Variants in ZNF599 observed in about 807,000 individuals in gnomAD.
ZNF599 encodes zinc finger protein 599.
In ZNF599, 10 loss-of-function variants were observed where a neutral mutation model predicts 11.7. The observed-to-expected ratio is 0.86, with a 90% CI of 0.53 to 1.45. ZNF599 has a LOEUF of 1.45. Ranked by LOEUF, ZNF599 falls within the 40% of genes most tolerant of loss-of-function variation. ZNF599 has a pLI of 0.00. For synonymous variants in ZNF599, 232 were observed against 253.2 expected (o/e 0.92, Z 0.79); for missense variants, 688 against 713.6 (o/e 0.96, Z 0.41).
chr19:34,800,797 G>A, the ZNF599 span, among the ~76,000 whole-genome samples: 1 of 151,804 alleles, frequency 6.6e-6, no homozygotes. Flanking sequence ...GTTTCACCAT[G>A]TTGGCCAGGC....
chr19:34,773,211 C>T lies in ZNF599; in HGVS notation c.-370G>A. 7.6e-6 allele frequency: 2 copies of T among 262,936 alleles called. No homozygotes were observed. The highest frequency in any genetic ancestry group is 1.4e-5 in the Non-Finnish European group (2 of 139,634). 16.3% of individuals were successfully genotyped at this position (262,936 alleles called of 1,614,324 possible). ...AACCTAACGGCGGACGAAGACTGGA[C>T]GCCGGAAGTCCCGCCCACGCCGCTA... On this transcript the variant is annotated 5_prime_UTR_variant, in exon 1 of 4. Coordinates refer to ENST00000329285, the MANE Select transcript of ZNF599 (RefSeq NM_001007248.3).
chr19:34,765,504 C>A, intron 3 of ZNF599: 1 of 695,510 alleles, frequency 1.4e-6, no homozygotes. Flanking sequence ...TTTTCAGCTG[C>A]AGGGTTTGTG....
chr19:34,779,267 TTTTTC>T, the ZNF599 span: 1 of 147,236 alleles, frequency 6.8e-6, no homozygotes, highest in Non-Finnish European at 1.5e-5. Flanking sequence ...TTTTTTTTTT[TTTTTC>T]ATTTTTTGAA....
the ZNF599 span, among the ~76,000 whole-genome samples, chr19:34,782,460 G>T: frequency 6.6e-6 from 1 of 152,240 alleles, no homozygotes; most frequent in East Asian, 1.9e-4. Flanking sequence ...AATTGCCCCG[G>T]AACTGGACAA....
chr19:34,797,265 A>G, the ZNF599 span, among the ~76,000 whole-genome samples: 3 of 152,170 alleles, frequency 2.0e-5, no homozygotes, highest in African/African-American at 7.2e-5. Context: ...ATAGTGCCGC[A>G]ATAAACATAC....
At chr19:34,790,833 T>C in the ZNF599 span, among the ~76,000 whole-genome samples, 1 of 152,198 alleles carries the variant, frequency 6.6e-6, no homozygotes, top group Non-Finnish European at 1.5e-5. Context: ...ATTGTAAATA[T>C]GTATCAAAAT....
intron 2 of ZNF599, among the ~76,000 whole-genome samples, chr19:34,768,049 A>G (rs900831111): frequency 6.6e-6 from 1 of 152,222 alleles, no homozygotes; most frequent in Non-Finnish European, 1.5e-5. Context: ...AGAGAAGTCA[A>G]TGACTGAGGC....
chr19:34,760,387 T>C lies in ZNF599; in HGVS notation c.414A>G (p.Gly138=). 6.2e-7 allele frequency: 1 copy of C among 1,614,172 alleles called. No individual in the cohort carries two copies. Among genetic ancestry groups the C allele is most frequent in the Non-Finnish European group, 8.5e-7 (1 of 1,180,042 alleles). Residue 138 remains glycine (G), a synonymous_variant, in exon 4 of 4, where the codon GGA becomes GGG. Transcript: ENST00000329285. ...GGCATATCTCTTTGTGGGGGTTTGT[T>C]CCTGGCCTCAAGTTCCCTTCCTGAA... ...IKIQEGNLRP[G]TNPHKEICPE...
chr19:34,781,766 A>G, the ZNF599 span, among the ~76,000 whole-genome samples: 1 of 152,174 alleles, frequency 6.6e-6, no homozygotes, highest in African/African-American at 2.4e-5. Flanking sequence ...GGGTGTGTCC[A>G]GGCCCAAGAA....
chr19:34,787,688 G>A, the ZNF599 span, among the ~76,000 whole-genome samples: 1 of 152,160 alleles, frequency 6.6e-6, no homozygotes, highest in East Asian at 1.9e-4. Flanking sequence ...ACTATGAAAT[G>A]GCACAGCCTG....
At position 34,767,411 on chromosome 19, in the gene ZNF599, C is replaced by T. The variant is rs2069151622; in HGVS notation, c.146G>A (p.Gly49Glu). The T allele has an allele frequency of 1.2e-6, 2 of 1,613,198 alleles. No individual in the cohort carries two copies. The highest frequency in any genetic ancestry group is 2.7e-5 in the African/African-American group (2 of 74,856). ...LETCRLLVSL[G>E]HPVPKPELIY... The stretch of plus-strand genomic sequence containing the variant: ...CAGCTCTGGTTTGGGAACAGGATGC[C>T]CTGTGCATGGAGAAACAAATGGAGT... Residue 49 changes from glycine to glutamate, a missense_variant and splice_region_variant, in exon 3 of 4, where the codon GGG becomes GAG. Transcript: ENST00000329285.
At chr19:34,772,451 C>G (rs1226366979) in intron 1 of ZNF599, 2 of 1,101,014 alleles carry the variant, frequency 1.8e-6, no homozygotes, top group African/African-American at 1.6e-5. Flanking sequence ...AAAGACGGCA[C>G]CTAGAGTGAT....
the ZNF599 span, among the ~76,000 whole-genome samples, chr19:34,779,143 A>G: frequency 7.3e-5 from 11 of 151,692 alleles, no homozygotes; most frequent in Admixed American, 6.6e-4. Context: ...TTGGAGTGCA[A>G]TGGCACAATC....
chr19:34,793,916 T>C, the ZNF599 span, among the ~76,000 whole-genome samples: 1 of 152,144 alleles, frequency 6.6e-6, no homozygotes. Context: ...TAAAATCGTA[T>C]GTATTAGTCA....
the ZNF599 span, among the ~76,000 whole-genome samples, chr19:34,799,915 G>T: frequency 1.7e-4 from 26 of 152,220 alleles, no homozygotes; most frequent in African/African-American, 6.3e-4. Flanking sequence ...CCTTTATAGA[G>T]TTCTTCCACT....
At position 34,759,443 on chromosome 19, in the gene ZNF599, C is replaced by A. The variant is rs776112726; in HGVS notation, c.1358G>T (p.Cys453Phe). Residue 453 changes from cysteine (C) to phenylalanine (F), a missense_variant, in exon 4 of 4, where the codon TGC becomes TTC. Transcript: ENST00000329285. ...RIHTGEKPYECSECGKAFTHH... is the reference protein window; with the variant it reads ...RIHTGEKPYEFSECGKAFTHH... ...TGTAAAAGCCTTTCCACATTCACTG[C>A]ACTCATAAGGCTTCTCACCAGTGTG... The A allele has an allele frequency of 1.2e-6, 2 of 1,614,150 alleles. No homozygotes were observed. The highest frequency in any genetic ancestry group is 2.2e-5 in the South Asian group (2 of 91,088).
chr19:34,777,439 A>ATATATATTAATTAATATATAATATAT (rs1002993561), upstream of ZNF599, among the ~76,000 whole-genome samples: 9 of 94,928 alleles, frequency 9.5e-5, no homozygotes, highest in African/African-American at 1.7e-4. Context: ...ATAATATATG[A>ATATATATTAATTAATATATAATATAT]TATATATTAA....
chr19:34,790,770 T>C, the ZNF599 span, among the ~76,000 whole-genome samples: 1 of 152,306 alleles, frequency 6.6e-6, no homozygotes, highest in Admixed American at 6.5e-5. Flanking sequence ...ACTACAAAAA[T>C]TTATATTATA....
chr19:34,795,736 G>A, the ZNF599 span, among the ~76,000 whole-genome samples: 4 of 152,210 alleles, frequency 2.6e-5, no homozygotes, highest in African/African-American at 9.7e-5. Context: ...GGGAGTACAG[G>A]GAGGCCTGGA....
Sources: gnomAD v4.1 joint callset for allele counts (sites outside exome capture counted in the v4.1 genomes callset) on GRCh38, gnomAD v4.1.1 for gene constraint, MANE v1.5 for transcripts, NCBI Gene and HGNC (gene_info 2026-07-23, HGNC 2026-07-21) for gene names.